Variants in SEMA3A observed in about 807,000 individuals in gnomAD.
SEMA3A encodes semaphorin 3A.
In SEMA3A, 29 loss-of-function variants were observed where a neutral mutation model predicts 97.9. That is an observed-to-expected ratio of 0.30 (90% confidence interval 0.22 to 0.40). SEMA3A has a LOEUF of 0.40. SEMA3A is among the 10% of genes least tolerant of loss of function. The pLI is 1.00. For missense variants in SEMA3A, 763 were observed against 951.3 expected (o/e 0.80, Z 2.60); for synonymous variants, 321 against 323.7 (o/e 0.99, Z 0.09).
intron 1 of SEMA3A, among the ~76,000 whole-genome samples, chr7:84,420,579 A>AT (rs1440818395): frequency 3.5e-4 from 54 of 152,140 alleles, no homozygotes; most frequent in African/African-American, 1.2e-3. Flanking sequence ...ATAATGGCAA[A>AT]AACTTTTCTT....
chr7:84,007,776 A>G (rs935024192), intron 9 of SEMA3A, among the ~76,000 whole-genome samples: 2 of 152,296 alleles, frequency 1.3e-5, no homozygotes, highest in Non-Finnish European at 2.9e-5. Context: ...CTAAGTTTTG[A>G]TAGGAAAAAC....
intron 1 of SEMA3A, among the ~76,000 whole-genome samples, chr7:84,399,639 A>C (rs1242713203): frequency 6.6e-6 from 1 of 152,210 alleles, no homozygotes; most frequent in African/African-American, 2.4e-5. Context: ...GGTCATTATT[A>C]CTAGGTCATT....
intron 1 of SEMA3A, among the ~76,000 whole-genome samples, chr7:84,441,002 T>C (rs1278181111): frequency 1.3e-5 from 2 of 151,744 alleles, no homozygotes; most frequent in South Asian, 2.1e-4. Context: ...CTACTAAAAA[T>C]ACAAAATTAT....
chr7:84,173,113 T>C (rs1283097104), intron 1 of SEMA3A, among the ~76,000 whole-genome samples: 1 of 152,192 alleles, frequency 6.6e-6, no homozygotes, highest in Non-Finnish European at 1.5e-5. Flanking sequence ...CTTTTTGAAG[T>C]AAAAGCATAG....
chr7:84,200,418 T>C (rs1311496135), intron 3 of SEMA3A, among the ~76,000 whole-genome samples: 2 of 152,004 alleles, frequency 1.3e-5, no homozygotes, highest in Non-Finnish European at 2.9e-5. Flanking sequence ...CCCTGAGAGT[T>C]TGAGTAATGG....
chr7:83,975,156 A>C (rs1789092579), intron 15 of SEMA3A, among the ~76,000 whole-genome samples: 1 of 152,192 alleles, frequency 6.6e-6, no homozygotes, highest in South Asian at 2.1e-4. Context: ...ATCCACAGTC[A>C]TACTTTTCAT....
At chr7:84,406,784 G>A (rs1190128152) in intron 1 of SEMA3A, among the ~76,000 whole-genome samples, 1 of 152,070 alleles carries the variant, frequency 6.6e-6, no homozygotes, top group Non-Finnish European at 1.5e-5. Context: ...CATATAAACA[G>A]AACCAAAGAC....
At position 83,958,918 on chromosome 7, in the gene SEMA3A, G is replaced by A. The variant is rs1788364182; in HGVS notation, c.*2453C>T. 2 of 152,062 alleles carry A rather than the reference G, an allele frequency of 1.3e-5. No homozygotes were observed. The highest frequency in any genetic ancestry group is 2.9e-5 in the Non-Finnish European group (2 of 67,926). The allele number at this position is 152,062 out of a possible 1,614,324, so 9.4% of individuals were successfully genotyped here. ...TCTGATGATTCATGCATATGACAAA[G>A]TCTATTTAAAGCTGAATTATTAAAT... On this transcript the variant is annotated 3_prime_UTR_variant, in exon 17 of 17. Transcript: ENST00000265362.
chr7:84,228,328 A>C (rs1160629956), intron 3 of SEMA3A, among the ~76,000 whole-genome samples: 1 of 152,104 alleles, frequency 6.6e-6, no homozygotes, highest in Non-Finnish European at 1.5e-5. Flanking sequence ...CATCACACAA[A>C]TATTCTGTAC....
At chr7:84,076,439 A>C (rs1793952423) in intron 4 of SEMA3A, among the ~76,000 whole-genome samples, 1 of 152,146 alleles carries the variant, frequency 6.6e-6, no homozygotes, top group South Asian at 2.1e-4. Flanking sequence ...GTTAGTGGAG[A>C]GATCATAAAA....
At chr7:84,158,388 G>A (rs1030972313) in intron 1 of SEMA3A, among the ~76,000 whole-genome samples, 2 of 151,820 alleles carry the variant, frequency 1.3e-5, no homozygotes, top group Non-Finnish European at 2.9e-5. Flanking sequence ...TCCTGACCTC[G>A]TGATCCACCT....
intron 1 of SEMA3A, among the ~76,000 whole-genome samples, chr7:84,411,771 C>T (rs1020897717): frequency 1.3e-5 from 2 of 151,980 alleles, no homozygotes; most frequent in Non-Finnish European, 2.9e-5. Context: ...GTTTAAACAA[C>T]AGTTTAGATT....
At chr7:84,070,108 A>G (rs1341137418) in intron 4 of SEMA3A, among the ~76,000 whole-genome samples, 2 of 151,952 alleles carry the variant, frequency 1.3e-5, no homozygotes, top group African/African-American at 4.8e-5. Flanking sequence ...CATAACTTAA[A>G]TGTCTTACAT....
chr7:84,060,602 TA>T, intron 4 of SEMA3A, 44 bp from the exon 5 acceptor site: 1 of 1,284,022 alleles, frequency 7.8e-7, no homozygotes, highest in Admixed American at 2.6e-5. Flanking sequence ...CCTTTATATA[TA>T]AAAATGAGTG....
intron 3 of SEMA3A, among the ~76,000 whole-genome samples, chr7:84,278,597 T>C (rs1170646902): frequency 6.6e-6 from 1 of 152,152 alleles, no homozygotes; most frequent in East Asian, 1.9e-4. Flanking sequence ...CATAGAGATA[T>C]CTGCTCAGCT....
At chr7:84,159,495 C>T (rs928482148) in intron 1 of SEMA3A, among the ~76,000 whole-genome samples, 2 of 152,122 alleles carry the variant, frequency 1.3e-5, no homozygotes, top group Admixed American at 6.6e-5. Flanking sequence ...TAAATCCTGT[C>T]AAATAGCTAA....
intron 1 of SEMA3A, among the ~76,000 whole-genome samples, chr7:84,145,998 C>T (rs1796452690): frequency 6.6e-6 from 1 of 152,122 alleles, no homozygotes; most frequent in Non-Finnish European, 1.5e-5. Flanking sequence ...GGCTTGCTGC[C>T]TCCTGCTTCT....
At chr7:84,132,631 A>G (rs1294230255) in intron 2 of SEMA3A, among the ~76,000 whole-genome samples, 1 of 150,870 alleles carries the variant, frequency 6.6e-6, no homozygotes, top group Non-Finnish European at 1.5e-5. Context: ...TCCTAAAATC[A>G]ATATATCTAA....
chr7:84,067,123 C>G (rs763261720), intron 4 of SEMA3A, among the ~76,000 whole-genome samples: 3 of 152,132 alleles, frequency 2.0e-5, no homozygotes, highest in African/African-American at 7.2e-5. Flanking sequence ...CGCTGCATAT[C>G]TACAAGTATC....
Sources: gnomAD v4.1 joint callset for allele counts (sites outside exome capture counted in the v4.1 genomes callset) on GRCh38, gnomAD v4.1.1 for gene constraint, MANE v1.5 for transcripts, NCBI Gene and HGNC (gene_info 2026-07-23, HGNC 2026-07-21) for gene names.